Variants in MARVELD3 observed in about 807,000 individuals in gnomAD.
MARVELD3 encodes MARVEL domain-containing protein 3.
In MARVELD3, 28 loss-of-function variants were observed where a neutral mutation model predicts 33.5. The ratio of observed to expected loss-of-function variants is 0.84; its 90% CI spans 0.62 to 1.15. MARVELD3 has a LOEUF of 1.15. MARVELD3 is among the 50% of genes most tolerant of loss of function. MARVELD3 has a pLI of 0.00. For missense variants in MARVELD3, 582 were observed against 547.6 expected, an observed-to-expected ratio of 1.06 and a Z score of -0.63; for synonymous variants, 241 against 230.4, an observed-to-expected ratio of 1.05 and a Z score of -0.42.
In MARVELD3 at chr16:71,626,264, C is replaced by T; in HGVS notation, c.35C>T (p.Ala12Val). The T allele has an allele frequency of 6.5e-7, 1 of 1,529,710 alleles. No individual in the cohort carries two copies. Among genetic ancestry groups the T allele is most frequent in the Non-Finnish European group, 8.8e-7 (1 of 1,138,528 alleles). 94.8% of individuals were successfully genotyped at this position (1,529,710 alleles called of 1,614,324 possible). Residue 12 changes from alanine (A) to valine (V), a missense_variant, in exon 1 of 3, where the codon GCC becomes GTC. By Grantham distance (64) the Ala-to-Val change is moderately conservative (BLOSUM62 0). Transcript: ENST00000268485. The surrounding 1 kb of genome is among the most constrained non-coding windows in gnomAD (Gnocchi z 5.3). ...CCGTCGGGGGCTCGCGAGCCCCGGG[C>T]CCGGCCGAGAGAGCGGGACCCGGGA... is the stretch of plus-strand genomic sequence containing the variant. ...EDPSGAREPR[A>V]RPRERDPGRR...
chr16:71,636,026 T>C lies in MARVELD3; in HGVS notation c.*1223T>C, dbSNP rs2044579167. On this transcript the variant is annotated 3_prime_UTR_variant, in exon 3 of 3. Coordinates refer to ENST00000268485, the MANE Select transcript of MARVELD3 (RefSeq NM_052858.6). The stretch of plus-strand genomic sequence containing the variant: ...TAAAATCTTTCCCAACAGAAGAGTG[T>C]TACTTTTGGTCAGACAACTTCATGG... The C allele has an allele frequency of 6.1e-6, 6 of 985,326 alleles. No individual in the cohort carries two copies. The highest frequency in any genetic ancestry group is 6.0e-6 in the Non-Finnish European group (5 of 829,940). The allele number at this position is 985,326 out of a possible 1,614,324, so 61.0% of individuals were successfully genotyped here. A position where few individuals can be genotyped will look rare whatever the true frequency, so the allele number is the denominator to read the frequency against.
rs562945009 is a variant in MARVELD3, at chr16:71,629,529, G to A, written c.595+35G>A. 5.9e-6 allele frequency: 9 copies of A among 1,534,714 alleles called. No individual in the cohort carries two copies. In the South Asian group the frequency reaches 1.2e-4, roughly 20 times the overall value. On this transcript the variant is annotated intron_variant, in intron 2 of 2. Coordinates refer to ENST00000268485, the MANE Select transcript of MARVELD3 (RefSeq NM_052858.6). ...TTTGCAGGCTGTTTGATCATTTACTGTCACTGGTGGTTCTGGAAGGGATGG... is the reference window on the plus strand; with the variant it reads ...TTTGCAGGCTGTTTGATCATTTACTATCACTGGTGGTTCTGGAAGGGATGG...
chr16:71,638,831 CAT>C (rs1359395279), downstream of MARVELD3: 1 of 152,114 alleles, frequency 6.6e-6, no homozygotes, highest in African/African-American at 2.4e-5. Flanking sequence ...CGTTTTATCT[CAT>C]GTGTAGATTT....
chr16:71,633,142 C>T (rs1367220684), intron 2 of MARVELD3, among the ~76,000 whole-genome samples: 2 of 151,788 alleles, frequency 1.3e-5, no homozygotes, highest in African/African-American at 2.4e-5. Context: ...GCAGGAGGAT[C>T]GCCTGAAGCA....
chr16:71,640,428 G>A (rs761024186), downstream of MARVELD3: 6 of 1,613,996 alleles, frequency 3.7e-6, no homozygotes, highest in South Asian at 4.4e-5. Context: ...GAATGGGATG[G>A]TTCTCATATG....
rs2044560248 is a variant in MARVELD3, at chr16:71,634,266, AG to A, written c.674del (p.Gly225AlafsTer41). The A allele has an allele frequency of 1.9e-6, 3 of 1,613,996 alleles. No individual in the cohort carries two copies. Among genetic ancestry groups the A allele is most frequent in the Non-Finnish European group, 1.7e-6 (2 of 1,180,022 alleles). Reference sequence around the variant, plus strand: ...GCAGCTCTGTGTCTTACAGTTCCACAGGGGGCTACACGGGCATCACCAGCTT... The same window carrying A: ...GCAGCTCTGTGTCTTACAGTTCCACAGGGGCTACACGGGCATCACCAGCTT... ...ACSSVSYSST[G>X]GYTGITSLGG... On this transcript the variant is annotated frameshift_variant, in exon 3 of 3. Transcript: ENST00000268485. LOFTEE classifies it high-confidence loss of function.
intron 1 of MARVELD3, among the ~76,000 whole-genome samples, chr16:71,628,377 A>G (rs1333089803): frequency 6.6e-6 from 1 of 152,160 alleles, no homozygotes; most frequent in African/African-American, 2.4e-5. Context: ...TCTACTAAAC[A>G]TACAAAAAAA....
At chr16:71,631,292 G>GA (rs1478988014) in intron 2 of MARVELD3, among the ~76,000 whole-genome samples, 2 of 151,700 alleles carry the variant, frequency 1.3e-5, no homozygotes, top group African/African-American at 4.8e-5. Context: ...CTTAATGAGA[G>GA]AAAAAAACAA....
rs2044567387 is a variant in MARVELD3 at position 71,634,736 on chromosome 16, T to A, written c.1139T>A (p.Leu380Gln). 6.2e-7 allele frequency: 1 copy of A among 1,613,866 alleles called. No homozygotes were observed. Among genetic ancestry groups the A allele is most frequent in the East Asian group, 2.2e-5 (1 of 44,882 alleles). The change falls in exon 3 of 3, where the codon CTG (leucine) becomes CAG (glutamine). Residue 380 changes from leucine to glutamine, a missense_variant. Coordinates refer to ENST00000268485, the MANE Select transcript of MARVELD3 (RefSeq NM_052858.6). ...GTGGTCTTTGCCCTGGGGGCTGTCC[T>A]GGCCATAAAGGGCTACCGAAAAGTT... ...GIVVFALGAV[L>Q]AIKGYRKVRK...
downstream of MARVELD3, among the ~76,000 whole-genome samples, chr16:71,637,227 A>G (rs1396920855): frequency 6.6e-6 from 1 of 152,202 alleles, no homozygotes; most frequent in East Asian, 1.9e-4. Flanking sequence ...GGCGCAGTCA[A>G]CAGGTGATTG....
At chr16:71,631,658 G>A (rs11641698) in intron 2 of MARVELD3, among the ~76,000 whole-genome samples, 4,927 of 152,176 alleles carry the variant, frequency 0.032, 120 homozygotes, top group Non-Finnish European at 0.051. Flanking sequence ...ATGTTGGCCA[G>A]GCCGGTCTTG....
intron 2 of MARVELD3, among the ~76,000 whole-genome samples, chr16:71,632,503 C>G (rs1175981774): frequency 6.6e-6 from 1 of 151,720 alleles, no homozygotes; most frequent in Non-Finnish European, 1.5e-5. Flanking sequence ...TTAAGACATA[C>G]TTATAAGTTA....
At chr16:71,631,391 A>G (rs551581081) in intron 2 of MARVELD3, among the ~76,000 whole-genome samples, 8 of 152,236 alleles carry the variant, frequency 5.3e-5, no homozygotes, top group African/African-American at 1.9e-4. Flanking sequence ...CAATTGTTAC[A>G]TTGCATGTTT....
chr16:71,627,273 C>T (rs1378679655), intron 1 of MARVELD3, among the ~76,000 whole-genome samples: 1 of 152,192 alleles, frequency 6.6e-6, no homozygotes, highest in Non-Finnish European at 1.5e-5. Flanking sequence ...GAGGCCGAGG[C>T]GGGCGGATCA....
rs1157954471 is a variant in MARVELD3 at position 71,635,644 on chromosome 16, CAT to C, written c.*843_*844del. ...AAAAAAAAAAGTTCATGGAGAGCCA[CAT>C]AGACATGAGACCACACTTCAGCCTG... is the stretch of plus-strand genomic sequence containing the variant. On this transcript the variant is annotated 3_prime_UTR_variant, in exon 3 of 3. Coordinates refer to ENST00000268485, the MANE Select transcript of MARVELD3 (RefSeq NM_052858.6). 2 of 985,062 alleles carry C rather than the reference CAT, an allele frequency of 2.0e-6. No individual in the cohort carries two copies. Among genetic ancestry groups the C allele is most frequent in the East Asian group, 1.1e-4 (1 of 8,810 alleles). 61.0% of individuals were successfully genotyped at this position (985,062 alleles called of 1,614,324 possible). A position where few individuals can be genotyped will look rare whatever the true frequency, so the allele number is the denominator to read the frequency against.
downstream of MARVELD3, among the ~76,000 whole-genome samples, chr16:71,639,607 C>A (rs1427610182): frequency 6.6e-6 from 1 of 151,518 alleles, no homozygotes; most frequent in Non-Finnish European, 1.5e-5. Context: ...CTGCCACACC[C>A]GGCTAATTTT....
At chr16:71,640,133 G>T (rs1434140423), downstream of MARVELD3, among the ~76,000 whole-genome samples, 1 of 151,966 alleles carries the variant, frequency 6.6e-6, no homozygotes, top group Non-Finnish European at 1.5e-5. Context: ...GCCAGGCAGG[G>T]TGGTGCGTGC....
chr16:71,636,972 C>T (rs912125337), downstream of MARVELD3, among the ~76,000 whole-genome samples: 4 of 152,282 alleles, frequency 2.6e-5, no homozygotes, highest in South Asian at 4.1e-4. Context: ...GCTGTCTTTC[C>T]GGAGACGTGT....
Position 71,626,757 on chromosome 16 carries a change from C to G in MARVELD3, c.467+61C>G. The G allele has an allele frequency of 1.5e-6, 2 of 1,326,192 alleles. No individual in the cohort carries two copies. Among genetic ancestry groups the G allele is most frequent in the Non-Finnish European group, 1.9e-6 (2 of 1,026,338 alleles). The allele number at this position is 1,326,192 out of a possible 1,614,324, so 82.2% of individuals were successfully genotyped here. On this transcript the variant is annotated intron_variant, in intron 1 of 2. Transcript: ENST00000268485. This position sits in a 1 kb window ranked among gnomAD's most constrained non-coding sequence, Gnocchi z 5.3. The stretch of plus-strand genomic sequence containing the variant: ...GGGACACCTGTGGCCCAGGCCGGCC[C>G]GCGAGGCCCTGGCGTCCCCGGGTTC...
Sources: allele counts gnomAD v4.1 joint callset (sites outside exome capture counted in the v4.1 genomes callset), GRCh38; gene constraint gnomAD v4.1.1; non-coding constraint Gnocchi (gnomAD v3.1); transcripts MANE v1.5; gene names NCBI Gene and HGNC (gene_info 2026-07-23, HGNC 2026-07-21).